SUMF1: variants seen among roughly 807,000 people sequenced by gnomAD.
SUMF1 encodes the protein sulfatase modifying factor 1.
In SUMF1, 48 loss-of-function variants were observed where a neutral mutation model predicts 47.6. The ratio of observed to expected loss-of-function variants is 1.01; its 90% CI spans 0.80 to 1.28. SUMF1 has a LOEUF of 1.28. SUMF1 is among the 50% of genes most tolerant of loss of function. The pLI, the probability that SUMF1 is intolerant of heterozygous loss-of-function variation, is 0.00. For synonymous variants in SUMF1, 230 were observed against 192.1 expected (o/e 1.20, Z -1.63); for missense variants, 571 against 485.4 (o/e 1.18, Z -1.66).
chr3:4,397,236 T>C (rs56790161), intron 7 of SUMF1, among the ~76,000 whole-genome samples: 1 of 152,208 alleles, frequency 6.6e-6, no homozygotes, highest in Non-Finnish European at 1.5e-5. Context: ...TACAGCAGCA[T>C]CATCCTAAAT....
At chr3:4,193,263 C>T (rs1021466600) in intron 8 of SUMF1, among the ~76,000 whole-genome samples, 1 of 143,598 alleles carries the variant, frequency 7.0e-6, no homozygotes, top group African/African-American at 2.5e-5. Context: ...GAAAGTTCCA[C>T]ATCCAAAACC....
intron 8 of SUMF1, among the ~76,000 whole-genome samples, chr3:4,211,121 T>TATATATATATATATATATATACACAC (rs150373609): frequency 7.8e-6 from 1 of 128,296 alleles, no homozygotes; most frequent in African/African-American, 3.0e-5. Context: ...TATATATATA[T>TATATATATATATATATATATACACAC]ACACACACAC....
chr3:4,336,464 C>A (rs183408290), intron 8 of SUMF1, among the ~76,000 whole-genome samples: 1 of 152,168 alleles, frequency 6.6e-6, no homozygotes, highest in Admixed American at 6.5e-5. Flanking sequence ...GGCTATGACA[C>A]GGGTTGTGAA....
intron 8 of SUMF1, among the ~76,000 whole-genome samples, chr3:4,144,244 G>C (rs1175147936): frequency 6.6e-6 from 1 of 152,048 alleles, no homozygotes; most frequent in Non-Finnish European, 1.5e-5. Context: ...TGGAATTATA[G>C]GCATGAGCCA....
intron 8 of SUMF1, among the ~76,000 whole-genome samples, chr3:4,075,069 T>C (rs1355224979): frequency 6.6e-6 from 1 of 152,160 alleles, no homozygotes; most frequent in African/African-American, 2.4e-5. Flanking sequence ...CCAATATCCC[T>C]GATGAACATC....
intron 8 of SUMF1, among the ~76,000 whole-genome samples, chr3:4,193,514 T>C (rs6764806): frequency 0.03 from 4,621 of 152,202 alleles, 230 homozygotes; most frequent in African/African-American, 0.11. Flanking sequence ...TGGGAGACTG[T>C]GCCCTTAACT....
At chr3:4,063,403 A>G (rs1346666393) in intron 9 of SUMF1, among the ~76,000 whole-genome samples, 1 of 152,050 alleles carries the variant, frequency 6.6e-6, no homozygotes, top group East Asian at 1.9e-4. Flanking sequence ...TCACTTTTTG[A>G]TGTACAGAGC....
chr3:4,238,806 T>C (rs1696469338), intron 8 of SUMF1, among the ~76,000 whole-genome samples: 1 of 152,228 alleles, frequency 6.6e-6, no homozygotes, highest in Admixed American at 6.5e-5. Flanking sequence ...ATTTTGGCTT[T>C]TGTTGCCGTT....
At chr3:4,437,269 C>T (rs548006236) in intron 3 of SUMF1, among the ~76,000 whole-genome samples, 5 of 152,148 alleles carry the variant, frequency 3.3e-5, no homozygotes, top group East Asian at 1.9e-4. Context: ...AGTTGGATAA[C>T]GATGACTAGA....
At chr3:4,238,611 T>C (rs1696464369) in intron 8 of SUMF1, among the ~76,000 whole-genome samples, 1 of 152,208 alleles carries the variant, frequency 6.6e-6, no homozygotes, top group African/African-American at 2.4e-5. Context: ...ACCTACTTTT[T>C]GATGGGGTTG....
At chr3:4,223,101 A>G (rs920575672) in intron 8 of SUMF1, among the ~76,000 whole-genome samples, 1 of 152,180 alleles carries the variant, frequency 6.6e-6, no homozygotes, top group Admixed American at 6.5e-5. Context: ...AATGTTCAAC[A>G]AAGATATACC....
intron 8 of SUMF1, among the ~76,000 whole-genome samples, chr3:4,340,062 A>G (rs62259855): frequency 0.19 from 28,636 of 151,900 alleles, 2,871 homozygotes; most frequent in African/African-American, 0.25. Context: ...TGGGCAACAG[A>G]GTGAGACCTT....
chr3:4,319,720 A>G (rs1398535541), intron 8 of SUMF1, among the ~76,000 whole-genome samples: 1 of 152,244 alleles, frequency 6.6e-6, no homozygotes, highest in African/African-American at 2.4e-5. Flanking sequence ...ACGTGTTCAT[A>G]ACAAGGTTAT....
chr3:4,042,289 T>G (rs915766025), intron 9 of SUMF1, among the ~76,000 whole-genome samples: 1 of 152,188 alleles, frequency 6.6e-6, no homozygotes, highest in African/African-American at 2.4e-5. Context: ...AACGTGACAA[T>G]TGTCCAAATC....
intron 8 of SUMF1, among the ~76,000 whole-genome samples, chr3:4,151,415 A>ATATG (rs1694323840): frequency 2.9e-5 from 3 of 102,996 alleles, no homozygotes; most frequent in Non-Finnish European, 4.4e-5. Context: ...GTATATATGT[A>ATATG]TATATGTGTA....
chr3:4,439,929 A>T (rs1432997535), intron 3 of SUMF1, among the ~76,000 whole-genome samples: 1 of 152,134 alleles, frequency 6.6e-6, no homozygotes, highest in Non-Finnish European at 1.5e-5. Flanking sequence ...TAAAAGTTCA[A>T]ACATTCAAAA....
intron 3 of SUMF1, among the ~76,000 whole-genome samples, chr3:4,428,521 T>G (rs1029526782): frequency 6.6e-6 from 1 of 152,080 alleles, no homozygotes; most frequent in African/African-American, 2.4e-5. Flanking sequence ...ACTTGGCTAA[T>G]TTTTTCAATT....
At chr3:4,051,537 C>T (rs968890847) in intron 9 of SUMF1, among the ~76,000 whole-genome samples, 1 of 152,162 alleles carries the variant, frequency 6.6e-6, no homozygotes, top group South Asian at 2.1e-4. Flanking sequence ...AGATGTTCTA[C>T]AGGCAAGGGG....
At chr3:4,289,758 T>C (rs1697704427) in intron 8 of SUMF1, among the ~76,000 whole-genome samples, 1 of 151,148 alleles carries the variant, frequency 6.6e-6, no homozygotes, top group Non-Finnish European at 1.5e-5. Context: ...TAGAGCACTC[T>C]GTAAACTAAA....
Sources: allele counts gnomAD v4.1 joint callset (sites outside exome capture counted in the v4.1 genomes callset), GRCh38; gene constraint gnomAD v4.1.1; transcripts MANE v1.5; gene names NCBI Gene and HGNC (gene_info 2026-07-23, HGNC 2026-07-21).